The following FNBP1 variants were observed in gnomAD, a reference collection of about 807,000 sequenced individuals.
The protein encoded by FNBP1 is formin binding protein 1.
A neutral mutation model predicts 90.6 loss-of-function variants in FNBP1; 26 were observed. The ratio of observed to expected loss-of-function variants is 0.29; its 90% confidence interval spans 0.21 to 0.40. The LOEUF is 0.40. Among genes scored for constraint, FNBP1 ranks in the 10% least tolerant of loss-of-function variants. The pLI, the probability that FNBP1 is intolerant of heterozygous loss-of-function variation, is 1.00. For synonymous variants in FNBP1, 260 were observed against 265.2 expected, an observed-to-expected ratio of 0.98 and a Z score of 0.19; for missense variants, 635 against 768.0, an observed-to-expected ratio of 0.83 and a Z score of 2.05.
chr9:129,994,889 C>A lies in FNBP1; in HGVS notation c.94G>T (p.Val32Leu). 6.2e-7 allele frequency: 1 copy of A among 1,609,350 alleles called. No individual in the cohort carries two copies. The highest frequency in any genetic ancestry group is 8.5e-7 in the Non-Finnish European group (1 of 1,177,108). Residue 32 changes from valine (V) to leucine (L), a missense_variant, in exon 2 of 17, where the codon GTG becomes TTG. Transcript: ENST00000446176. The stretch of plus-strand genomic sequence containing the variant: ...AGTTCAATCTCTGTCCTTTCTTTCA[C>A]AAACTTGATATATTTCTCAAGAATA... ...IDILEKYIKF[V>L]KERTEIELSY... is the part of the protein sequence containing the mutation.
chr9:130,014,723 T>G (rs1306350945), intron 1 of FNBP1, among the ~76,000 whole-genome samples: 1 of 152,168 alleles, frequency 6.6e-6, no homozygotes, highest in Non-Finnish European at 1.5e-5. Flanking sequence ...TAAGAGATAC[T>G]TAAGGTCACT....
rs1401732973 is a variant in FNBP1, at chr9:129,954,461, TAAATA to T, written c.513+2894_513+2898del. On this transcript the variant is annotated intron_variant, in intron 6 of 16. Transcript: ENST00000446176. ...TACAGACCATTTCAATGAAAAATCT[TAAATA>T]AAATATTAATAAATTCAGCTACACA... Among the ~76,000 whole-genome samples the T allele has an allele frequency of 4.6e-5, 7 of 152,240 alleles. No homozygotes were observed. In the East Asian group the frequency reaches 1.3e-3, roughly 29 times the overall value.
chr9:129,891,666 A>G (rs1032552252), intron 16 of FNBP1, among the ~76,000 whole-genome samples: 1 of 152,218 alleles, frequency 6.6e-6, no homozygotes, highest in African/African-American at 2.4e-5. Flanking sequence ...GAGAAAAGAA[A>G]CAAAAGAAAC....
intron 2 of FNBP1, among the ~76,000 whole-genome samples, chr9:129,980,881 C>G (rs1030448371): frequency 6.6e-6 from 1 of 151,548 alleles, no homozygotes; most frequent in African/African-American, 2.4e-5. Flanking sequence ...GAAACCCCGT[C>G]TCTACTAAAA....
intron 13 of FNBP1, among the ~76,000 whole-genome samples, chr9:129,901,650 G>A (rs1158659392): frequency 6.6e-6 from 1 of 151,892 alleles, no homozygotes; most frequent in Non-Finnish European, 1.5e-5. Flanking sequence ...GGTGGCTCAC[G>A]CCTGTAATCC....
intron 2 of FNBP1, among the ~76,000 whole-genome samples, chr9:129,981,589 T>C (rs995019236): frequency 6.6e-6 from 1 of 152,068 alleles, no homozygotes; most frequent in African/African-American, 2.4e-5. Flanking sequence ...GCATACCAAG[T>C]GACATGTGGT....
intron 11 of FNBP1, among the ~76,000 whole-genome samples, chr9:129,910,816 A>C (rs2039131872): frequency 6.7e-6 from 1 of 149,596 alleles, no homozygotes; most frequent in East Asian, 2.0e-4. Context: ...TCTCAAAGAC[A>C]CACCCATCAG....
intron 6 of FNBP1, among the ~76,000 whole-genome samples, chr9:129,941,011 A>G (rs896511593): frequency 6.6e-6 from 1 of 152,204 alleles, no homozygotes; most frequent in Non-Finnish European, 1.5e-5. Flanking sequence ...GAAACATCAT[A>G]TTGATGCCAT....
At chr9:130,002,991 G>A (rs1450547012) in intron 1 of FNBP1, among the ~76,000 whole-genome samples, 1 of 152,128 alleles carries the variant, frequency 6.6e-6, no homozygotes, top group Middle Eastern at 3.2e-3. Context: ...TGAAGAAAGT[G>A]TTATTGTGTT....
At position 129,904,253 on chromosome 9, in the gene FNBP1, G is replaced by C. The variant is rs117576859; in HGVS notation, c.1296-1252C>G. On this transcript the variant is annotated intron_variant, in intron 12 of 16. Transcript: ENST00000446176. ...TGGTATCCACGACAGGTAAGTGACA[G>C]AGCCTTAAAGCTACACACTGTGGAT... Among the ~76,000 whole-genome samples, 82 of 152,334 alleles carry C rather than the reference G, an allele frequency of 5.4e-4. 2 individuals carry two copies. In the East Asian group the frequency reaches 0.01, roughly 19 times the overall value.
At chr9:129,959,583 C>T (rs893310942) in intron 4 of FNBP1, among the ~76,000 whole-genome samples, 22 of 152,040 alleles carry the variant, frequency 1.4e-4, no homozygotes, top group African/African-American at 3.9e-4. Context: ...GAGCAAGACT[C>T]GGTCTCAAAA....
chr9:130,053,659 G>A, the FNBP1 span: 1 of 506,050 alleles, frequency 2.0e-6, no homozygotes, highest in Non-Finnish European at 3.5e-6. Flanking sequence ...GGTGCGGCCC[G>A]GGCTGGTCTG....
chr9:130,020,852 A>G (rs1443558968), intron 1 of FNBP1, among the ~76,000 whole-genome samples: 2 of 152,102 alleles, frequency 1.3e-5, no homozygotes, highest in Non-Finnish European at 2.9e-5. Context: ...TTCCCATTGC[A>G]GGAACAACGG....
At chr9:129,945,930 G>A (rs924676914) in intron 6 of FNBP1, among the ~76,000 whole-genome samples, 3 of 152,270 alleles carry the variant, frequency 2.0e-5, no homozygotes, top group Middle Eastern at 6.8e-3. Context: ...CACTGTGGGA[G>A]GCCAAGGCAG....
intron 6 of FNBP1, among the ~76,000 whole-genome samples, chr9:129,934,874 G>A (rs942353624): frequency 9.2e-5 from 14 of 151,994 alleles, no homozygotes; most frequent in Non-Finnish European, 1.8e-4. Context: ...GAGCCACCAC[G>A]CCCAGCCCAC....
intron 16 of FNBP1, among the ~76,000 whole-genome samples, chr9:129,894,463 T>G (rs955101507): frequency 4.6e-5 from 7 of 152,194 alleles, no homozygotes; most frequent in Non-Finnish European, 8.8e-5. Flanking sequence ...AATCCAAACC[T>G]TGCCAATGAT....
At chr9:129,943,607 G>A (rs954000885) in intron 6 of FNBP1, among the ~76,000 whole-genome samples, 3 of 151,958 alleles carry the variant, frequency 2.0e-5, no homozygotes, top group Non-Finnish European at 2.9e-5. Flanking sequence ...GGCTGGTCTC[G>A]AACTCCTGAC....
At chr9:129,945,974 C>T (rs556546345) in intron 6 of FNBP1, among the ~76,000 whole-genome samples, 9 of 152,210 alleles carry the variant, frequency 5.9e-5, no homozygotes. Context: ...TCAAGACCAC[C>T]ATGGGCAATG....
At chr9:129,933,820 C>T (rs575022285) in intron 6 of FNBP1, among the ~76,000 whole-genome samples, 2 of 152,196 alleles carry the variant, frequency 1.3e-5, no homozygotes, top group South Asian at 2.1e-4. Flanking sequence ...TCTCCAAAGC[C>T]GCAGCAAAAA....
Sources: allele counts gnomAD v4.1 joint callset (sites outside exome capture counted in the v4.1 genomes callset), GRCh38; gene constraint gnomAD v4.1.1; transcripts MANE v1.5; gene names NCBI Gene and HGNC (gene_info 2026-07-23, HGNC 2026-07-21).